The following SCLT1 variants were observed in gnomAD, a reference collection of about 807,000 sequenced individuals.
SCLT1 encodes sodium channel and clathrin linker 1, also known as sodium channel-associated protein 1.
SCLT1 carries 78 observed loss-of-function variants against 112.8 expected under a neutral mutation model. The observed-to-expected ratio is 0.69, with a 90% CI of 0.58 to 0.83. SCLT1 has a LOEUF of 0.83. Among genes scored for constraint, SCLT1 ranks in the 40% least tolerant of loss-of-function variants. The probability of loss-of-function intolerance (pLI) is 0.00; values close to 1 mark genes in which losing one functional copy is unlikely to be tolerated. For missense variants in SCLT1, 747 were observed against 770.4 expected (o/e 0.97, Z 0.36); for synonymous variants, 257 against 254.7 (o/e 1.01, Z -0.09).
chr4:128,934,254 T>G (rs1737005009), intron 18 of SCLT1, among the ~76,000 whole-genome samples: 2 of 151,880 alleles, frequency 1.3e-5, no homozygotes. Flanking sequence ...AACACAAATG[T>G]GTGTACATAT....
intron 5 of SCLT1, among the ~76,000 whole-genome samples, chr4:129,007,737 A>T (rs1424386847): frequency 6.6e-6 from 1 of 152,178 alleles, no homozygotes. Flanking sequence ...GCAATTACTA[A>T]GGCATCTGGG....
At chr4:129,067,436 C>T (rs952475521) in intron 2 of SCLT1, among the ~76,000 whole-genome samples, 2 of 151,530 alleles carry the variant, frequency 1.3e-5, no homozygotes, top group Admixed American at 6.6e-5. Context: ...ATAAATGCAT[C>T]TAGTAGCCTA....
chr4:129,038,631 C>T (rs1449932778), intron 5 of SCLT1, among the ~76,000 whole-genome samples: 1 of 152,174 alleles, frequency 6.6e-6, no homozygotes, highest in Non-Finnish European at 1.5e-5. Flanking sequence ...TGCACCAGCA[C>T]TGGCAACATT....
chr4:129,086,120 A>G (rs1752375714), intron 1 of SCLT1, among the ~76,000 whole-genome samples: 1 of 152,138 alleles, frequency 6.6e-6, no homozygotes, highest in Non-Finnish European at 1.5e-5. Flanking sequence ...CTGTGTCCTC[A>G]GTAATTAAAA....
intron 10 of SCLT1, among the ~76,000 whole-genome samples, chr4:128,966,976 C>T (rs1396644371): frequency 2.6e-5 from 4 of 151,746 alleles, no homozygotes; most frequent in Admixed American, 2.0e-4. Context: ...GAGCATAGTA[C>T]CTGATAGGTA....
chr4:128,936,780 G>A lies in SCLT1; in HGVS notation c.1704C>T (p.Asp568=), dbSNP rs116133992. 0.014 allele frequency: 22,949 copies of A among 1,606,940 alleles called. 233 individuals are homozygous for A. The highest frequency in any genetic ancestry group is 0.033 in the South Asian group (2,966 of 90,782). Residue 568 remains aspartate, a synonymous_variant, in exon 18 of 21, where the codon GAC becomes GAT. Transcript: ENST00000281142. Reference sequence around the variant, plus strand: ...GTTCAACAATGGAATTTCTATTACTGTCTTCCATCTCTCTCAATTGAACTT... The same window carrying A: ...GTTCAACAATGGAATTTCTATTACTATCTTCCATCTCTCTCAATTGAACTT... ...GFEVQLREME[D]SNRNSIVELR...
At chr4:128,957,254 G>A (rs1413510890) in intron 12 of SCLT1, 130 bp from the exon 13 acceptor site, 2 of 527,030 alleles carry the variant, frequency 3.8e-6, no homozygotes, top group Non-Finnish European at 6.7e-6. Context: ...ATATCATGTT[G>A]AAATCACGAA....
chr4:128,999,159 A>C (rs1417505778), intron 7 of SCLT1, among the ~76,000 whole-genome samples: 1 of 152,004 alleles, frequency 6.6e-6, no homozygotes, highest in Non-Finnish European at 1.5e-5. Context: ...GTCTTTTAAT[A>C]ACCATTAAGA....
intron 8 of SCLT1, among the ~76,000 whole-genome samples, chr4:128,995,304 G>C (rs1423671204): frequency 6.6e-6 from 1 of 152,010 alleles, no homozygotes; most frequent in East Asian, 1.9e-4. Flanking sequence ...TCCATAATTT[G>C]TGTGCTACTT....
intron 9 of SCLT1, among the ~76,000 whole-genome samples, chr4:128,991,507 C>T (rs1000424441): frequency 6.6e-6 from 1 of 151,286 alleles, no homozygotes; most frequent in Non-Finnish European, 1.5e-5. Context: ...TTCTGGACAG[C>T]AAAGGAAACA....
At position 128,944,742 on chromosome 4, in the gene SCLT1, T is replaced by G. The variant is rs1214453645; in HGVS notation, c.1439+1265A>C. 3.3e-5 allele frequency: 5 copies of G among 152,188 alleles called. No homozygotes were observed. The East Asian group carries it at 9.6e-4, about 29-fold the overall frequency. The allele number at this position is 152,188 out of a possible 1,614,324, so 9.4% of individuals were successfully genotyped here. On this transcript the variant is annotated intron_variant, in intron 16 of 20. Transcript: ENST00000281142. ...ATATGAAAACTTAGGAGAAAAACTC[T>G]TTGTATGTGGAGAATGTGGGAAAGC...
chr4:128,927,837 TAA>T (rs1306330503), intron 18 of SCLT1, among the ~76,000 whole-genome samples: 1 of 151,646 alleles, frequency 6.6e-6, no homozygotes, highest in Admixed American at 6.6e-5. Flanking sequence ...AGGTTATTTA[TAA>T]AGAGTAAAAC....
chr4:128,876,031 T>G (rs2125913584), intron 4 of SCLT1, among the ~76,000 whole-genome samples: 1 of 152,278 alleles, frequency 6.6e-6, no homozygotes, highest in Middle Eastern at 3.4e-3. Flanking sequence ...GTTTCCTGCC[T>G]GAAACAATCT....
intron 1 of SCLT1, among the ~76,000 whole-genome samples, chr4:129,089,712 T>C (rs1319391799): frequency 6.6e-6 from 1 of 152,146 alleles, no homozygotes; most frequent in Non-Finnish European, 1.5e-5. Flanking sequence ...TGTCCTTTGC[T>C]GGGACATGGA....
intron 18 of SCLT1, among the ~76,000 whole-genome samples, chr4:128,901,539 G>T (rs868184795): frequency 2.8e-3 from 403 of 143,206 alleles, no homozygotes; most frequent in Middle Eastern, 0.01. Context: ...TGGGGGGGGG[G>T]AGGGATAGCA....
chr4:128,975,583 A>T (rs1315591621), intron 9 of SCLT1, among the ~76,000 whole-genome samples: 2 of 152,152 alleles, frequency 1.3e-5, no homozygotes. Context: ...CCTTTTTTGC[A>T]TACAGTGAAA....
chr4:128,923,307 G>A (rs2122589), intron 18 of SCLT1, among the ~76,000 whole-genome samples: 37,958 of 151,888 alleles, frequency 0.25, 5,470 homozygotes, highest in East Asian at 0.32. Flanking sequence ...TTAGCTGGGC[G>A]TGGTGGCACA....
intron 13 of SCLT1, among the ~76,000 whole-genome samples, chr4:128,953,964 A>C (rs1223447025): frequency 6.6e-6 from 1 of 152,192 alleles, no homozygotes; most frequent in Non-Finnish European, 1.5e-5. Flanking sequence ...CATTTAATAA[A>C]ATTTAATTAA....
chr4:128,875,682 C>T (rs1303753706), intron 4 of SCLT1, among the ~76,000 whole-genome samples: 1 of 152,118 alleles, frequency 6.6e-6, no homozygotes, highest in African/African-American at 2.4e-5. Context: ...GAGCACCTTA[C>T]AGAGAGCATA....
Sources: gnomAD v4.1 joint callset for allele counts (sites outside exome capture counted in the v4.1 genomes callset) on GRCh38, gnomAD v4.1.1 for gene constraint, MANE v1.5 for transcripts, NCBI Gene and HGNC (gene_info 2026-07-23, HGNC 2026-07-21) for gene names.